C3orf70: variants seen among roughly 807,000 people sequenced by gnomAD.
C3orf70 encodes the protein chromosome 3 open reading frame 70.
C3orf70 carries 15 observed loss-of-function variants against 20.7 expected under a neutral mutation model. That is an observed-to-expected ratio of 0.72 (90% CI 0.48 to 1.11). C3orf70 has a LOEUF of 1.11. C3orf70 is among the 50% of genes most tolerant of loss of function. The pLI is 0.00. For synonymous variants in C3orf70, 161 were observed against 125.7 expected (o/e 1.28, Z -1.88); for missense variants, 332 against 317.6 (o/e 1.05, Z -0.34).
At chr3:185,140,992 G>T (rs60234370) in intron 1 of C3orf70, among the ~76,000 whole-genome samples, 2 of 147,684 alleles carry the variant, frequency 1.4e-5, no homozygotes, top group African/African-American at 2.5e-5. Flanking sequence ...GAAAAAAAAA[G>T]AAAAAGACCC....
chr3:185,120,047 A>AAGAAAAAGAAAAAGAC, intron 1 of C3orf70, among the ~76,000 whole-genome samples: 1 of 150,678 alleles, frequency 6.6e-6, no homozygotes, highest in Non-Finnish European at 1.5e-5. Context: ...AAGAAAAAGA[A>AAGAAAAAGAAAAAGAC]AAAAGTGTCT....
Position 185,083,249 on chromosome 3 carries a change from T to C in C3orf70, c.511A>G (p.Lys171Glu), listed in dbSNP as rs779236939. 20 of 1,614,238 alleles carry C rather than the reference T, an allele frequency of 1.2e-5. No individual in the cohort carries two copies. The Admixed American group carries it at 2.8e-4, about 23-fold the overall frequency. The change falls in exon 2 of 2, where the codon AAA (lysine) becomes GAA (glutamate). Residue 171 changes from lysine to glutamate, a missense_variant. Physicochemically the swap from Lys to Glu is moderately conservative, Grantham distance 56. Transcript: ENST00000335012. ...EVSAHDALIS[K>E]ESNTPKIDHC... ...TCTATTTTTGGTGTATTGCTCTCTT[T>C]TGAAATTAAGGCATCGTGTGCAGAG...
chr3:185,107,134 C>T (rs144600548), intron 1 of C3orf70, among the ~76,000 whole-genome samples: 8,043 of 152,228 alleles, frequency 0.053, 317 homozygotes, highest in Non-Finnish European at 0.075. Flanking sequence ...GATACAGGAG[C>T]GGACATTTCA....
chr3:185,105,757 C>G (rs1349830240), intron 1 of C3orf70, among the ~76,000 whole-genome samples: 1 of 152,168 alleles, frequency 6.6e-6, no homozygotes, highest in African/African-American at 2.4e-5. Flanking sequence ...TGAAGGGTCG[C>G]TGGAGCGATG....
intron 1 of C3orf70, among the ~76,000 whole-genome samples, chr3:185,123,656 T>C (rs1056053339): frequency 4.6e-5 from 7 of 152,116 alleles, no homozygotes; most frequent in South Asian, 2.1e-4. Context: ...CCTATTTCTT[T>C]ATGAATATGG....
At chr3:185,148,516 A>G (rs1231543709) in intron 1 of C3orf70, among the ~76,000 whole-genome samples, 7 of 152,112 alleles carry the variant, frequency 4.6e-5, no homozygotes, top group Non-Finnish European at 8.8e-5. Context: ...ACCTCCACCA[A>G]TCTAATTTCT....
chr3:185,084,115 G>A (rs569765881), intron 1 of C3orf70, among the ~76,000 whole-genome samples: 12 of 152,058 alleles, frequency 7.9e-5, no homozygotes, highest in East Asian at 5.8e-4. Flanking sequence ...ATCCAGAAGC[G>A]GAGGTTGCAG....
At chr3:185,121,826 A>G (rs9870773) in intron 1 of C3orf70, among the ~76,000 whole-genome samples, 7,906 of 152,312 alleles carry the variant, frequency 0.052, 664 homozygotes, top group African/African-American at 0.18. Context: ...ATGGCCGGGC[A>G]TGGTGGCTCA....
chr3:185,114,322 T>A (rs1028387704), intron 1 of C3orf70, among the ~76,000 whole-genome samples: 3 of 151,692 alleles, frequency 2.0e-5, no homozygotes, highest in Non-Finnish European at 4.4e-5. Flanking sequence ...TTAAAAGGAG[T>A]CAAGTAATTA....
chr3:185,122,379 A>G (rs1174757265), intron 1 of C3orf70, among the ~76,000 whole-genome samples: 1 of 152,196 alleles, frequency 6.6e-6, no homozygotes, highest in Non-Finnish European at 1.5e-5. Flanking sequence ...TTGGATCACA[A>G]TCTCAAAAGA....
intron 1 of C3orf70, among the ~76,000 whole-genome samples, chr3:185,107,451 C>G (rs1487857722): frequency 6.6e-6 from 1 of 152,088 alleles, no homozygotes; most frequent in Non-Finnish European, 1.5e-5. Flanking sequence ...AAAAAATTTG[C>G]AAGGTTTGAA....
At chr3:185,110,693 C>T (rs910720458) in intron 1 of C3orf70, among the ~76,000 whole-genome samples, 6 of 152,252 alleles carry the variant, frequency 3.9e-5, no homozygotes, top group Non-Finnish European at 8.8e-5. Flanking sequence ...ACACCTGGCC[C>T]ACCCAGGGCG....
intron 1 of C3orf70, among the ~76,000 whole-genome samples, chr3:185,145,054 CTA>C (rs1716829418): frequency 6.6e-6 from 1 of 152,240 alleles, no homozygotes; most frequent in South Asian, 2.1e-4. Flanking sequence ...CTTCCACATT[CTA>C]TGTGTATACG....
intron 1 of C3orf70, among the ~76,000 whole-genome samples, chr3:185,127,164 T>C (rs1231068535): frequency 1.3e-5 from 2 of 152,072 alleles, no homozygotes; most frequent in African/African-American, 4.8e-5. Flanking sequence ...TCTAGAACCA[T>C]AGGATGAAAA....
intron 1 of C3orf70, among the ~76,000 whole-genome samples, chr3:185,125,841 C>A (rs1716398759): frequency 6.6e-6 from 1 of 152,004 alleles, no homozygotes; most frequent in African/African-American, 2.4e-5. Flanking sequence ...TTCTGAAAAA[C>A]ACAAAACTCT....
chr3:185,101,894 T>C (rs1715831616), intron 1 of C3orf70, among the ~76,000 whole-genome samples: 1 of 152,172 alleles, frequency 6.6e-6, no homozygotes, highest in South Asian at 2.1e-4. Context: ...TTAAAAACTC[T>C]CAATTAACTA....
intron 1 of C3orf70, among the ~76,000 whole-genome samples, chr3:185,106,973 T>C (rs970774425): frequency 2.0e-5 from 3 of 152,194 alleles, no homozygotes; most frequent in Admixed American, 1.3e-4. Flanking sequence ...TTGTGCCGTA[T>C]GTGGACATGG....
rs753665859 is a variant in C3orf70, at chr3:185,083,025, C to T, written c.735G>A (p.Thr245=). 2.0e-4 allele frequency: 327 copies of T among 1,602,528 alleles called. No homozygotes were observed. Among genetic ancestry groups the T allele is most frequent in the Non-Finnish European group, 2.7e-4 (313 of 1,173,280 alleles). The change falls in exon 2 of 2, where the codon ACG becomes ACA. Residue 245 remains threonine, a synonymous_variant. Coordinates refer to ENST00000335012, the MANE Select transcript of C3orf70 (RefSeq NM_001025266.3). The part of the protein sequence containing the change: ...PSQSDLEVIE[T]IETTV The stretch of plus-strand genomic sequence containing the variant: ...TGGACTCTCACACAGTCGTTTCTAT[C>T]GTTTCAATCACTTCCAGGTCAGACT...
rs748785029 is a variant in C3orf70, at chr3:185,083,441, T to C, written c.319A>G (p.Lys107Glu). The C allele has an allele frequency of 1.2e-6, 2 of 1,614,110 alleles. No homozygotes were observed. The highest frequency in any genetic ancestry group is 1.7e-6 in the Non-Finnish European group (2 of 1,180,028). The change falls in exon 2 of 2, where the codon AAA becomes GAA. Residue 107 changes from lysine (K) to glutamate (E), a missense_variant. By Grantham distance (56) the Lys-to-Glu change is moderately conservative. Transcript: ENST00000335012. ...GGAGGCTGGAAGACAGATGCAAATT[T>C]CAAAAAGTGTTCGGTGAGCGAGACT... ...ISVSLTEHFL[K>E]FASVFQPPLP...
Sources: gnomAD v4.1 joint callset for allele counts (sites outside exome capture counted in the v4.1 genomes callset) on GRCh38, gnomAD v4.1.1 for gene constraint, MANE v1.5 for transcripts, NCBI Gene and HGNC (gene_info 2026-07-23, HGNC 2026-07-21) for gene names.